Variants in GPHN observed in about 807,000 individuals in gnomAD.
GPHN encodes the protein gephyrin.
In GPHN, 17 loss-of-function variants were observed where a neutral mutation model predicts 95.5. The observed-to-expected ratio is 0.18, with a 90% confidence interval of 0.12 to 0.27. The LOEUF (loss-of-function observed/expected upper bound fraction) is 0.27. GPHN is among the 10% of genes least tolerant of loss of function. The probability of loss-of-function intolerance (pLI) is 1.00; values close to 1 mark genes in which losing one functional copy is unlikely to be tolerated. For missense variants in GPHN, 660 were observed against 978.1 expected (o/e 0.67, Z 4.34); for synonymous variants, 320 against 322.5 (o/e 0.99, Z 0.08).
chr14:67,269,889 C>G, the GPHN span: 50 of 152,474 alleles, frequency 3.3e-4, no homozygotes, highest in African/African-American at 1.2e-3. Context: ...GAATGCTGAT[C>G]ACTTAAAATG....
intron 2 of GPHN, among the ~76,000 whole-genome samples, chr14:66,730,510 G>A (rs1469329976): frequency 1.3e-5 from 2 of 152,022 alleles, no homozygotes; most frequent in Non-Finnish European, 2.9e-5. Context: ...AAAATGTTGG[G>A]GTAGGGTGAT....
the GPHN span, among the ~76,000 whole-genome samples, chr14:67,391,753 G>A: frequency 2.0e-5 from 3 of 152,194 alleles, no homozygotes; most frequent in East Asian, 1.9e-4. Flanking sequence ...TAGGAATGCC[G>A]CAGGACACGG....
the GPHN span, among the ~76,000 whole-genome samples, chr14:67,326,369 T>C: frequency 6.6e-6 from 1 of 151,098 alleles, no homozygotes; most frequent in Non-Finnish European, 1.5e-5. Flanking sequence ...GTGCCACAGG[T>C]CCTAGCTTAT....
chr14:67,186,717 A>G (rs1445719521), downstream of GPHN, among the ~76,000 whole-genome samples: 1 of 152,244 alleles, frequency 6.6e-6, no homozygotes, highest in Non-Finnish European at 1.5e-5. Context: ...CAGGTCAACT[A>G]GAGGGAACAC....
chr14:66,649,346 AC>A (rs2064925415), intron 1 of GPHN, among the ~76,000 whole-genome samples: 1 of 151,756 alleles, frequency 6.6e-6, no homozygotes, highest in Non-Finnish European at 1.5e-5. Flanking sequence ...AAAAAAAAAA[AC>A]AAAAACAAGC....
intron 4 of GPHN, among the ~76,000 whole-genome samples, chr14:66,855,298 T>C (rs1435409496): frequency 6.6e-6 from 1 of 152,164 alleles, no homozygotes; most frequent in Non-Finnish European, 1.5e-5. Context: ...TTCCTTCCCA[T>C]AATCCCTGGT....
chr14:67,514,624 G>C, the GPHN span, among the ~76,000 whole-genome samples: 1 of 152,028 alleles, frequency 6.6e-6, no homozygotes, highest in African/African-American at 2.4e-5. Context: ...GAGGGTCCTT[G>C]GTTTCCACTC....
At chr14:67,291,022 G>T in the GPHN span, among the ~76,000 whole-genome samples, 4 of 152,112 alleles carry the variant, frequency 2.6e-5, no homozygotes, top group East Asian at 7.7e-4. Flanking sequence ...CCTACAAGAA[G>T]AAGTTTATAA....
intron 17 of GPHN, among the ~76,000 whole-genome samples, chr14:67,124,763 C>T (rs2079201648): frequency 6.6e-6 from 1 of 151,928 alleles, no homozygotes; most frequent in Non-Finnish European, 1.5e-5. Context: ...TTGTTTTTAC[C>T]CTAATTTGTT....
At chr14:67,184,810 G>A (rs2083360584), downstream of GPHN, among the ~76,000 whole-genome samples, 1 of 152,154 alleles carries the variant, frequency 6.6e-6, no homozygotes, top group South Asian at 2.1e-4. Context: ...AAGGGTGGAT[G>A]GAAAAGATTA....
the GPHN span, among the ~76,000 whole-genome samples, chr14:67,359,119 CGGGATCTTGGAAAATGAGTAAGGGGAT>C: frequency 2.0e-5 from 3 of 152,166 alleles, no homozygotes; most frequent in Admixed American, 6.5e-5. Context: ...TGACATTTGG[CGGGATCTTGGAAAATGAGTAAGGGGAT>C]CCAAGATCGA....
At chr14:66,888,739 ATTACT>A (rs1014752261) in intron 5 of GPHN, among the ~76,000 whole-genome samples, 13 of 152,124 alleles carry the variant, frequency 8.5e-5, no homozygotes, top group African/African-American at 1.7e-4. Context: ...TTTGTCACTA[ATTACT>A]TTAAGTGTAA....
chr14:66,806,117 C>T (rs2060531578), intron 3 of GPHN, among the ~76,000 whole-genome samples: 1 of 152,196 alleles, frequency 6.6e-6, no homozygotes, highest in African/African-American at 2.4e-5. Context: ...TGTTCACTCG[C>T]AAGCTCAATA....
At chr14:66,605,453 A>T (rs2140885187) in intron 1 of GPHN, among the ~76,000 whole-genome samples, 1 of 151,590 alleles carries the variant, frequency 6.6e-6, no homozygotes, top group Non-Finnish European at 1.5e-5. Flanking sequence ...ATGATTAGTG[A>T]TGATGAACAT....
intron 10 of GPHN, among the ~76,000 whole-genome samples, chr14:67,057,355 C>T (rs1477950619): frequency 6.7e-6 from 1 of 149,370 alleles, no homozygotes; most frequent in Non-Finnish European, 1.5e-5. Flanking sequence ...AAACCAAACA[C>T]TGCATGTTCT....
At chr14:67,198,945 T>G in the GPHN span, 1 of 701,636 alleles carries the variant, frequency 1.4e-6, no homozygotes, top group Admixed American at 2.0e-5. Flanking sequence ...CACTGAGCTA[T>G]TACCTCTAAC....
At chr14:66,606,116 G>A (rs1466208622) in intron 1 of GPHN, among the ~76,000 whole-genome samples, 1 of 151,994 alleles carries the variant, frequency 6.6e-6, no homozygotes, top group Non-Finnish European at 1.5e-5. Flanking sequence ...TAGGATTTTT[G>A]TAGTTTGAGG....
At chr14:67,190,151 G>A in the GPHN span, among the ~76,000 whole-genome samples, 1 of 149,840 alleles carries the variant, frequency 6.7e-6, no homozygotes, top group Non-Finnish European at 1.5e-5. Flanking sequence ...CTGACCTCAG[G>A]TGATCTACCT....
At chr14:67,407,396 C>T in the GPHN span, among the ~76,000 whole-genome samples, 2 of 151,902 alleles carry the variant, frequency 1.3e-5, no homozygotes, top group Non-Finnish European at 2.9e-5. Flanking sequence ...GCTGGGATTA[C>T]AGGCATGAGC....
Sources: gnomAD v4.1 joint callset for allele counts (sites outside exome capture counted in the v4.1 genomes callset) on GRCh38, gnomAD v4.1.1 for gene constraint, MANE v1.5 for transcripts, NCBI Gene and HGNC (gene_info 2026-07-23, HGNC 2026-07-21) for gene names.